The following ZNF568 variants were observed in gnomAD, a reference collection of about 807,000 sequenced individuals.
The protein encoded by ZNF568 is p53 inhibitor of SCO2 activation.
ZNF568 carries 11 observed loss-of-function variants against 18.1 expected under a neutral mutation model. The observed-to-expected ratio is 0.61, with a 90% CI of 0.38 to 1.00. ZNF568 has a LOEUF of 1.00. ZNF568 is among the 50% of genes least tolerant of loss of function. ZNF568 has a pLI of 0.01. For synonymous variants in ZNF568, 213 were observed against 246.6 expected, an observed-to-expected ratio of 0.86 and a Z score of 1.28; for missense variants, 639 against 768.2, an observed-to-expected ratio of 0.83 and a Z score of 1.99.
intron 6 of ZNF568, among the ~76,000 whole-genome samples, chr19:36,965,891 G>C (rs1174556644): frequency 2.0e-5 from 3 of 151,700 alleles, no homozygotes; most frequent in African/African-American, 7.3e-5. Flanking sequence ...AGTAGAGACA[G>C]GTTTCACCAT....
At chr19:36,992,068 C>G (rs1403623963) in intron 4 of ZNF568, among the ~76,000 whole-genome samples, 1 of 151,936 alleles carries the variant, frequency 6.6e-6, no homozygotes, top group East Asian at 1.9e-4. Flanking sequence ...TGGTGAAACC[C>G]CGTCTCTACT....
intron 6 of ZNF568, among the ~76,000 whole-genome samples, chr19:36,962,284 T>TG (rs1397586570): frequency 1.4e-5 from 2 of 138,022 alleles, no homozygotes; most frequent in Non-Finnish European, 3.0e-5. Context: ...AGTGTTTTTT[T>TG]TTTTTTTTTT....
At chr19:36,979,793 C>G (rs1364424921) in exon 8 of ZNF568, 1 of 152,136 alleles carries the variant, frequency 6.6e-6, no homozygotes, top group East Asian at 1.9e-4. Flanking sequence ...GCATTTTCAG[C>G]CTTACTCAAC....
At chr19:36,976,849 G>A (rs1186192743) in intron 7 of ZNF568, among the ~76,000 whole-genome samples, 1 of 152,086 alleles carries the variant, frequency 6.6e-6, no homozygotes, top group African/African-American at 2.4e-5. Context: ...GGTAGAGGTT[G>A]TGGTGAGCCA....
At chr19:36,992,930 A>G (rs1279817456) in intron 4 of ZNF568, among the ~76,000 whole-genome samples, 1 of 152,210 alleles carries the variant, frequency 6.6e-6, no homozygotes, top group Admixed American at 6.5e-5. Context: ...ACTTACCAGA[A>G]TGTTTTCAAA....
At chr19:36,986,468 A>G (rs2074377561) in intron 2 of ZNF568, among the ~76,000 whole-genome samples, 1 of 152,082 alleles carries the variant, frequency 6.6e-6, no homozygotes. Flanking sequence ...TCCCATTTTG[A>G]CATAGTTTTA....
At chr19:36,930,212 T>A (rs774468272) in intron 4 of ZNF568, among the ~76,000 whole-genome samples, 50 of 107,602 alleles carry the variant, frequency 4.6e-4, no homozygotes, top group Non-Finnish European at 7.4e-4. Context: ...GGATGCAATT[T>A]CTTTTTTTTT....
Position 36,936,825 on chromosome 19 carries a change from T to A in ZNF568, c.215T>A (p.Leu72Ter), listed in dbSNP as rs183929029. 6.2e-7 allele frequency: 1 copy of A among 1,613,864 alleles called. No homozygotes were observed. The highest frequency in any genetic ancestry group is 1.7e-5 in the Admixed American group (1 of 60,014). ...WEQMKPAQRN[L>*]YRDVMLENYS... ...CAAATGAAACCTGCTCAAAGAAACT[T>A]GTATCGAGATGTGATGCTGGAGAAC... Residue 72 changes from leucine to a stop codon, truncating the protein, a stop_gained, in exon 5 of 7, where the codon TTG becomes TAG. Coordinates refer to ENST00000333987, the MANE Select transcript of ZNF568 (RefSeq NM_198539.4). LOFTEE classifies it high-confidence loss of function.
intron 2 of ZNF568, among the ~76,000 whole-genome samples, chr19:36,921,866 G>C (rs895998043): frequency 6.6e-6 from 1 of 152,114 alleles, no homozygotes; most frequent in Admixed American, 6.5e-5. Flanking sequence ...TGCCAAATTT[G>C]GGGTTGCTGC....
chr19:36,997,770 ATTTGG>A (rs1435123307), downstream of ZNF568: 1 of 559,246 alleles, frequency 1.8e-6, no homozygotes, highest in African/African-American at 3.2e-5. Flanking sequence ...GTTCATACTG[ATTTGG>A]AAAAAAAAAC....
chr19:36,917,288 A>G (rs2073358921), intron 1 of ZNF568, among the ~76,000 whole-genome samples: 1 of 152,238 alleles, frequency 6.6e-6, no homozygotes, highest in African/African-American at 2.4e-5. Flanking sequence ...GGGTCACCAG[A>G]GCGCAAGAGA....
chr19:36,920,465 A>T (rs2073434313), intron 2 of ZNF568, among the ~76,000 whole-genome samples: 1 of 152,014 alleles, frequency 6.6e-6, no homozygotes, highest in South Asian at 2.1e-4. Context: ...TCTACTAAAA[A>T]TACAAAAATT....
At chr19:36,946,876 C>T (rs1298494419) in intron 6 of ZNF568, among the ~76,000 whole-genome samples, 1 of 151,872 alleles carries the variant, frequency 6.6e-6, no homozygotes, top group Non-Finnish European at 1.5e-5. Flanking sequence ...GAACTCCCAA[C>T]CTCTGGTGAT....
chr19:36,969,203 A>G (rs929824804), intron 6 of ZNF568, among the ~76,000 whole-genome samples: 3 of 152,134 alleles, frequency 2.0e-5, no homozygotes, highest in Non-Finnish European at 2.9e-5. Context: ...GGAGATTTGA[A>G]ACTTGCCAAA....
Position 36,926,677 on chromosome 19 carries a change from A to G in ZNF568, c.135+1419A>G, listed in dbSNP as rs190591661. Among the ~76,000 whole-genome samples, 680 of 152,280 alleles carry G rather than the reference A, an allele frequency of 4.5e-3. 9 individuals carry two copies. The highest frequency in any genetic ancestry group is 0.015 in the African/African-American group (644 of 41,558). Reference sequence around the variant, plus strand: ...GGTCTGCCATTGGTTGAATCCATGGATATTGAACCCACAGATATGGAGAAC... The same window carrying G: ...GGTCTGCCATTGGTTGAATCCATGGGTATTGAACCCACAGATATGGAGAAC... On this transcript the variant is annotated intron_variant, in intron 4 of 6. Transcript: ENST00000333987.
chr19:36,964,240 T>G (rs1428049925), intron 6 of ZNF568, among the ~76,000 whole-genome samples: 2 of 151,366 alleles, frequency 1.3e-5, no homozygotes, highest in African/African-American at 4.9e-5. Flanking sequence ...GGACAGTAAC[T>G]TTGTAAGATC....
Position 36,975,383 on chromosome 19 carries a change from G to A in ZNF568, c.405+917G>A, listed in dbSNP as rs1222105309. Among the ~76,000 whole-genome samples the A allele has an allele frequency of 1.7e-4, 25 of 150,268 alleles. 1 individual carries two copies. The highest frequency in any genetic ancestry group is 1.6e-3 in the Admixed American group (24 of 14,954). The stretch of plus-strand genomic sequence containing the variant: ...AGGATGGTCTCGATCTCCTGACCTC[G>A]TGATCCGCCCGCCTAGGCCTCCCAA... On this transcript the variant is annotated intron_variant, in intron 7 of 7. Coordinates refer to the ZNF568 transcript ENST00000427117.
chr19:36,939,528 CTTTCTTTTTTT>C, intron 6 of ZNF568, among the ~76,000 whole-genome samples: 1 of 114,474 alleles, frequency 8.7e-6, no homozygotes, highest in Admixed American at 9.7e-5. Context: ...GATGTATTTT[CTTTCTTTTTTT>C]TTTTTTTTTT....
At chr19:36,928,499 A>G (rs1442322935) in intron 4 of ZNF568, among the ~76,000 whole-genome samples, 1 of 152,186 alleles carries the variant, frequency 6.6e-6, no homozygotes, top group Non-Finnish European at 1.5e-5. Context: ...GCACTTTCCT[A>G]CTAGTCAGGA....
Sources: allele counts gnomAD v4.1 joint callset (sites outside exome capture counted in the v4.1 genomes callset), GRCh38; gene constraint gnomAD v4.1.1; transcripts MANE v1.5; gene names NCBI Gene and HGNC (gene_info 2026-07-23, HGNC 2026-07-21).